The following FAM185A variants were observed in gnomAD, a reference collection of about 807,000 sequenced individuals.
FAM185A encodes the protein protein FAM185A.
Under a neutral mutation model 45.7 loss-of-function variants are expected in FAM185A, and 21 were observed. That is an observed-to-expected ratio of 0.46 (90% CI 0.33 to 0.66). FAM185A has a LOEUF of 0.66. FAM185A is among the 30% of genes least tolerant of loss of function. The pLI is 0.03. For synonymous variants in FAM185A, 117 were observed against 194.0 expected (o/e 0.60, Z 3.30); for missense variants, 305 against 485.4 (o/e 0.63, Z 3.49).
chr7:102,804,903 C>A (rs1169286044), intron 7 of FAM185A, among the ~76,000 whole-genome samples: 2 of 152,126 alleles, frequency 1.3e-5, no homozygotes, highest in African/African-American at 4.8e-5. Context: ...AGAAGATATA[C>A]AAATGGCCAA....
chr7:102,824,566 A>G, the FAM185A span, among the ~76,000 whole-genome samples: 1 of 151,874 alleles, frequency 6.6e-6, no homozygotes, highest in Non-Finnish European at 1.5e-5. Flanking sequence ...GCTCACTGCA[A>G]CCTCTGCCTC....
intron 3 of FAM185A, among the ~76,000 whole-genome samples, chr7:102,759,662 A>T (rs62484872): frequency 6.6e-6 from 1 of 152,096 alleles, no homozygotes; most frequent in Non-Finnish European, 1.5e-5. Context: ...CCATTCACTA[A>T]GCTCTATAAC....
At chr7:102,750,343 T>TTGA (rs948333272) in intron 1 of FAM185A, among the ~76,000 whole-genome samples, 7 of 152,134 alleles carry the variant, frequency 4.6e-5, no homozygotes, top group African/African-American at 7.2e-5. Flanking sequence ...ATGGAAGATA[T>TTGA]TGATGATGAT....
At chr7:102,785,291 G>A (rs868420772) in intron 6 of FAM185A, among the ~76,000 whole-genome samples, 83 of 151,172 alleles carry the variant, frequency 5.5e-4, no homozygotes, top group Middle Eastern at 3.4e-3. Context: ...TCCCCATCAA[G>A]CTACCAATGA....
At chr7:102,766,674 T>G (rs11978845) in intron 4 of FAM185A, among the ~76,000 whole-genome samples, 12,650 of 151,750 alleles carry the variant, frequency 0.083, 579 homozygotes, top group East Asian at 0.19. Flanking sequence ...TGAAAATGTT[T>G]TATTGAAATT....
intron 4 of FAM185A, among the ~76,000 whole-genome samples, chr7:102,769,968 C>T (rs1309124785): frequency 6.6e-6 from 1 of 152,162 alleles, no homozygotes; most frequent in African/African-American, 2.4e-5. Flanking sequence ...GGTCCCACCT[C>T]ATAGTATTGC....
chr7:102,778,469 A>G (rs1795207238), intron 6 of FAM185A, among the ~76,000 whole-genome samples: 1 of 152,286 alleles, frequency 6.6e-6, no homozygotes. Flanking sequence ...ACAGAGTAAG[A>G]ACAAAGTTTT....
intron 6 of FAM185A, among the ~76,000 whole-genome samples, chr7:102,779,120 A>G (rs1249293176): frequency 2.0e-5 from 3 of 152,216 alleles, no homozygotes; most frequent in Non-Finnish European, 4.4e-5. Context: ...ATTTTAACAT[A>G]ATATGCCTTC....
chr7:102,841,131 T>A, the FAM185A span, among the ~76,000 whole-genome samples: 8 of 152,146 alleles, frequency 5.3e-5, no homozygotes, highest in African/African-American at 1.9e-4. Context: ...GTGTGTCACA[T>A]AGAAGAGGGA....
At chr7:102,818,277 T>A in the FAM185A span, among the ~76,000 whole-genome samples, 1 of 152,226 alleles carries the variant, frequency 6.6e-6, no homozygotes, top group Non-Finnish European at 1.5e-5. Flanking sequence ...GAATGTAATA[T>A]AAAGGCGAAG....
At chr7:102,841,468 C>G in the FAM185A span, among the ~76,000 whole-genome samples, 1 of 152,108 alleles carries the variant, frequency 6.6e-6, no homozygotes, top group African/African-American at 2.4e-5. Context: ...TGGTTCTTCC[C>G]CAATGGGAGT....
Position 102,755,382 on chromosome 7 carries a change from G to A in FAM185A, c.562-2472G>A, listed in dbSNP as rs537277330. The A allele has an allele frequency of 1.2e-5, 7 of 587,410 alleles. No individual in the cohort carries two copies. The East Asian group carries it at 1.4e-4, about 12-fold the overall frequency. The allele number at this position is 587,410 out of a possible 1,614,324, so 36.4% of individuals were successfully genotyped here. On this transcript the variant is annotated intron_variant, in intron 2 of 7. Transcript: ENST00000413034. The stretch of plus-strand genomic sequence containing the variant: ...ATAAGCAGCTGAAAGTGCCTCCTGC[G>A]ATTAACCAGTTCACCCAGGCCCTGG...
chr7:102,837,581 G>T, the FAM185A span, among the ~76,000 whole-genome samples: 1 of 152,236 alleles, frequency 6.6e-6, no homozygotes, highest in Admixed American at 6.5e-5. Context: ...TTTTTGACAG[G>T]GTCCTGCTCT....
intron 7 of FAM185A, among the ~76,000 whole-genome samples, chr7:102,796,249 G>T (rs1406844814): frequency 1.3e-5 from 2 of 152,198 alleles, no homozygotes; most frequent in Non-Finnish European, 2.9e-5. Flanking sequence ...ATCAATCTGG[G>T]TTATGCCAGC....
intron 7 of FAM185A, among the ~76,000 whole-genome samples, chr7:102,790,656 TA>T (rs1176693341): frequency 6.6e-6 from 1 of 152,256 alleles, no homozygotes; most frequent in Non-Finnish European, 1.5e-5. Flanking sequence ...AATTTAGATT[TA>T]GTTTTAAAAC....
chr7:102,818,390 T>C, the FAM185A span, among the ~76,000 whole-genome samples: 3 of 152,344 alleles, frequency 2.0e-5, no homozygotes, highest in East Asian at 5.8e-4. Context: ...TCCTTATCCA[T>C]TTTGATGATA....
chr7:102,829,581 G>A, the FAM185A span, among the ~76,000 whole-genome samples: 4 of 152,162 alleles, frequency 2.6e-5, no homozygotes, highest in Non-Finnish European at 5.9e-5. Context: ...ACAGGGCCTA[G>A]TGCACTGCTG....
chr7:102,848,132 C>CCTGCTAATGACATTAGCACCTGG, the FAM185A span, among the ~76,000 whole-genome samples: 3 of 152,262 alleles, frequency 2.0e-5, no homozygotes, highest in Admixed American at 1.3e-4. Flanking sequence ...CTGATTTTCT[C>CCTGCTAATGACATTAGCACCTGG]CTGCTAATGA....
At chr7:102,804,996 G>C (rs547049830) in intron 7 of FAM185A, among the ~76,000 whole-genome samples, 7 of 152,330 alleles carry the variant, frequency 4.6e-5, no homozygotes, top group East Asian at 1.9e-4. Flanking sequence ...CCTTACTCCT[G>C]CAAGAATGGG....
Sources: gnomAD v4.1 joint callset for allele counts (sites outside exome capture counted in the v4.1 genomes callset) on GRCh38, gnomAD v4.1.1 for gene constraint, MANE v1.5 for transcripts, NCBI Gene and HGNC (gene_info 2026-07-23, HGNC 2026-07-21) for gene names.